BMPER: variants seen among roughly 807,000 people sequenced by gnomAD.
BMPER encodes BMP binding endothelial regulator.
Under a neutral mutation model 87.3 loss-of-function variants are expected in BMPER, and 45 were observed. The ratio of observed to expected loss-of-function variants is 0.52; its 90% CI spans 0.41 to 0.66. The LOEUF (loss-of-function observed/expected upper bound fraction) is 0.66. Ranked by LOEUF, BMPER falls within the 30% of genes least tolerant of loss-of-function variation. The probability of loss-of-function intolerance (pLI) is 0.00; values close to 1 mark genes in which losing one functional copy is unlikely to be tolerated. For missense variants in BMPER, 784 were observed against 867.5 expected, an observed-to-expected ratio of 0.90 and a Z score of 1.21; for synonymous variants, 326 against 316.2, an observed-to-expected ratio of 1.03 and a Z score of -0.33.
chr7:34,007,123 TA>T (rs1786755901), intron 6 of BMPER, among the ~76,000 whole-genome samples: 1 of 152,036 alleles, frequency 6.6e-6, no homozygotes, highest in Non-Finnish European at 1.5e-5. Flanking sequence ...ATCACTAAAA[TA>T]AGATAAAATC....
At chr7:34,122,020 G>A (rs1319675087) in intron 13 of BMPER, among the ~76,000 whole-genome samples, 1 of 151,538 alleles carries the variant, frequency 6.6e-6, no homozygotes, top group Non-Finnish European at 1.5e-5. Flanking sequence ...CTACTTGGGA[G>A]GCTGAAGTGG....
intron 13 of BMPER, among the ~76,000 whole-genome samples, chr7:34,119,188 C>T (rs1475117319): frequency 2.6e-5 from 4 of 152,038 alleles, no homozygotes; most frequent in Admixed American, 1.3e-4. Context: ...TGAAAAACAA[C>T]GAGGGATGTG....
At chr7:34,045,871 C>T (rs183725036) in intron 6 of BMPER, among the ~76,000 whole-genome samples, 18 of 152,234 alleles carry the variant, frequency 1.2e-4, no homozygotes, top group African/African-American at 3.1e-4. Context: ...AATGCCAAAG[C>T]GTTCCTTTGC....
chr7:34,004,195 AT>A (rs1227932138), intron 6 of BMPER, among the ~76,000 whole-genome samples: 1 of 152,012 alleles, frequency 6.6e-6, no homozygotes, highest in Non-Finnish European at 1.5e-5. Context: ...TCCTGCAGGA[AT>A]TTTTCATTAC....
intron 13 of BMPER, among the ~76,000 whole-genome samples, chr7:34,099,811 T>G (rs182007481): frequency 1.3e-5 from 2 of 152,354 alleles, no homozygotes; most frequent in East Asian, 3.9e-4. Flanking sequence ...AACTGATTTT[T>G]TTTTCACATC....
At chr7:33,996,859 C>T (rs1255602645) in intron 6 of BMPER, among the ~76,000 whole-genome samples, 1 of 152,176 alleles carries the variant, frequency 6.6e-6, no homozygotes, top group African/African-American at 2.4e-5. Context: ...ATCTTACATT[C>T]TCTTTATTTT....
chr7:33,946,340 ACAGTAT>A (rs1341545578), intron 3 of BMPER, among the ~76,000 whole-genome samples: 2 of 152,204 alleles, frequency 1.3e-5, no homozygotes, highest in African/African-American at 4.8e-5. Flanking sequence ...ACACAGCCAA[ACAGTAT>A]CAGAAGGGAA....
chr7:34,028,335 G>A (rs145436121), intron 6 of BMPER, among the ~76,000 whole-genome samples: 24 of 151,988 alleles, frequency 1.6e-4, no homozygotes, highest in African/African-American at 5.3e-4. Context: ...GGTTATTTAT[G>A]TTAGCATGAA....
At chr7:34,096,168 C>G (rs1789525150) in intron 13 of BMPER, among the ~76,000 whole-genome samples, 1 of 152,140 alleles carries the variant, frequency 6.6e-6, no homozygotes, top group Admixed American at 6.5e-5. Context: ...AGCAAGAGGA[C>G]CTGGGGTGGG....
chr7:34,003,997 C>A (rs979404586), intron 6 of BMPER, among the ~76,000 whole-genome samples: 2 of 151,986 alleles, frequency 1.3e-5, no homozygotes, highest in Non-Finnish European at 2.9e-5. Flanking sequence ...TCATTCAGCC[C>A]CTTTTTCCTG....
chr7:33,924,612 C>G (rs1041769658), intron 2 of BMPER, among the ~76,000 whole-genome samples: 1 of 152,238 alleles, frequency 6.6e-6, no homozygotes, highest in African/African-American at 2.4e-5. Flanking sequence ...CCTTCCTTCA[C>G]TGAGGTGTAG....
intron 13 of BMPER, among the ~76,000 whole-genome samples, chr7:34,123,766 G>T (rs987804120): frequency 1.3e-5 from 2 of 152,078 alleles, no homozygotes; most frequent in African/African-American, 4.8e-5. Context: ...TATATTCTAA[G>T]AATAGGGCTG....
chr7:34,087,509 C>T (rs2127977722), intron 13 of BMPER, among the ~76,000 whole-genome samples: 1 of 152,324 alleles, frequency 6.6e-6, no homozygotes, highest in Non-Finnish European at 1.5e-5. Flanking sequence ...CTAAACCTCA[C>T]CTTACTTATC....
chr7:33,933,434 T>C (rs1241814058), intron 2 of BMPER, among the ~76,000 whole-genome samples: 1 of 149,980 alleles, frequency 6.7e-6, no homozygotes, highest in African/African-American at 2.5e-5. Flanking sequence ...TCTTATTCAT[T>C]GGTTAGGTTT....
chr7:34,054,188 A>G (rs1585781288), intron 8 of BMPER, among the ~76,000 whole-genome samples: 1 of 152,140 alleles, frequency 6.6e-6, no homozygotes, highest in Non-Finnish European at 1.5e-5. Flanking sequence ...ACAGAAGTAC[A>G]TTTATCCATC....
chr7:33,932,632 A>G (rs1261555440), intron 2 of BMPER, among the ~76,000 whole-genome samples: 1 of 152,154 alleles, frequency 6.6e-6, no homozygotes, highest in African/African-American at 2.4e-5. Context: ...ATGGTGTTTC[A>G]TAGTCTAAAA....
chr7:34,013,619 C>T (rs1786940808), intron 6 of BMPER, among the ~76,000 whole-genome samples: 1 of 151,850 alleles, frequency 6.6e-6, no homozygotes, highest in South Asian at 2.1e-4. Context: ...CAAAATCCTA[C>T]ATTCCTTGAG....
chr7:34,073,014 A>C (rs1447408474), intron 11 of BMPER, among the ~76,000 whole-genome samples: 1 of 152,168 alleles, frequency 6.6e-6, no homozygotes, highest in Non-Finnish European at 1.5e-5. Context: ...TTATTCAGTT[A>C]ATCGATTAGG....
intron 2 of BMPER, among the ~76,000 whole-genome samples, chr7:33,930,075 T>G (rs1451030509): frequency 1.3e-5 from 2 of 152,242 alleles, no homozygotes; most frequent in Non-Finnish European, 2.9e-5. Flanking sequence ...CTCCCATCTC[T>G]TGGACTAAAC....
Sources: allele counts gnomAD v4.1 joint callset (sites outside exome capture counted in the v4.1 genomes callset), GRCh38; gene constraint gnomAD v4.1.1; transcripts MANE v1.5; gene names NCBI Gene and HGNC (gene_info 2026-07-23, HGNC 2026-07-21).